ATG4A: variants seen among roughly 807,000 people sequenced by gnomAD.
The protein encoded by ATG4A is autophagy related 4A cysteine peptidase.
A neutral mutation model predicts 38.4 loss-of-function variants in ATG4A; 22 were observed. The observed-to-expected ratio is 0.57, with a 90% CI of 0.41 to 0.82. ATG4A has a LOEUF of 0.82. Ranked by LOEUF, ATG4A falls within the 40% of genes least tolerant of loss-of-function variation. The pLI, the probability that ATG4A is intolerant of heterozygous loss-of-function variation, is 0.00. For synonymous variants in ATG4A, 86 were observed against 100.7 expected (o/e 0.85, Z 0.88); for missense variants, 220 against 290.0 (o/e 0.76, Z 1.75).
chrX:108,092,606 T>C (rs2031666414), intron 1 of ATG4A, among the ~76,000 whole-genome samples: 1 of 112,717 alleles, frequency 8.9e-6, no homozygotes, highest in South Asian at 3.6e-4. Context: ...TTTTAGGCTT[T>C]GTAGGCCAAA....
chrX:108,121,984 T>C (rs1184237203), intron 1 of ATG4A, among the ~76,000 whole-genome samples: 1 of 112,188 alleles, frequency 8.9e-6, no homozygotes, highest in Non-Finnish European at 1.9e-5. Flanking sequence ...ACCAGCAGTG[T>C]CCTGGCATGC....
intron 9 of ATG4A, among the ~76,000 whole-genome samples, chrX:108,140,745 C>G (rs1308408458): frequency 1.0e-5 from 1 of 97,106 alleles, no homozygotes; most frequent in African/African-American, 3.8e-5. Flanking sequence ...ATATAAAATA[C>G]ATTGTATATA....
chrX:108,093,965 G>A (rs1285422614), intron 1 of ATG4A, among the ~76,000 whole-genome samples: 1 of 111,563 alleles, frequency 9.0e-6, no homozygotes, highest in East Asian at 2.8e-4. Context: ...TCTAGATCAA[G>A]TCCCTGAGAG....
chrX:108,103,131 CCAG>C (rs1489126585), intron 1 of ATG4A, among the ~76,000 whole-genome samples: 5 of 111,496 alleles, frequency 4.5e-5, no homozygotes, highest in African/African-American at 1.6e-4. Flanking sequence ...ATGATGGCTT[CCAG>C]CTCTATCCAT....
chrX:108,117,537 T>G (rs1270756418), intron 1 of ATG4A, among the ~76,000 whole-genome samples: 3 of 111,674 alleles, frequency 2.7e-5, no homozygotes, highest in Non-Finnish European at 5.6e-5. Flanking sequence ...GTGTTTTATT[T>G]TGACTGAAAA....
At position 108,091,796 on chromosome X, in the gene ATG4A, G is replaced by T. The variant is rs1369201893; in HGVS notation, c.-31G>T. ...ACCGTCCGTCCGTAGTCAAGTTGCC[G>T]GTGGAATTGGCCCAGGATGACAGCT... On this transcript the variant is annotated 5_prime_UTR_variant, in exon 1 of 13. Coordinates refer to ENST00000372232, the MANE Select transcript of ATG4A (RefSeq NM_052936.5). 8.3e-7 allele frequency: 1 copy of T among 1,210,956 alleles called. No homozygotes were observed.
chrX:108,099,702 A>AT (rs771033671), intron 1 of ATG4A, among the ~76,000 whole-genome samples: 1 of 111,742 alleles, frequency 8.9e-6, no homozygotes, highest in South Asian at 3.6e-4. Flanking sequence ...GTCAAGGTTA[A>AT]TTTTTTTGGA....
At chrX:108,114,249 T>C (rs2032445477) in intron 1 of ATG4A, among the ~76,000 whole-genome samples, 1 of 111,771 alleles carries the variant, frequency 8.9e-6, no homozygotes. Flanking sequence ...GTTTGGGGCA[T>C]ATTAACATTT....
intron 9 of ATG4A, among the ~76,000 whole-genome samples, chrX:108,149,703 C>A (rs921117561): frequency 1.1e-4 from 12 of 112,311 alleles, no homozygotes; most frequent in African/African-American, 3.2e-4. Flanking sequence ...TCCTCCCTTA[C>A]CAGAGGTGCT....
intron 1 of ATG4A, among the ~76,000 whole-genome samples, 198 bp downstream of exon 1, chrX:108,092,034 G>C: frequency 9.0e-6 from 1 of 111,143 alleles, no homozygotes; most frequent in Middle Eastern, 4.6e-3. Context: ...ACTACCTACT[G>C]AGCTCGAACC....
chrX:108,118,200 G>A (rs1473522935), intron 1 of ATG4A, among the ~76,000 whole-genome samples: 1 of 112,035 alleles, frequency 8.9e-6, no homozygotes, highest in African/African-American at 3.2e-5. Context: ...TTGTCAGTTT[G>A]TTTTATAGTG....
intron 9 of ATG4A, among the ~76,000 whole-genome samples, chrX:108,139,692 C>T (rs2033187947): frequency 8.9e-6 from 1 of 112,712 alleles, no homozygotes; most frequent in Admixed American, 9.4e-5. Flanking sequence ...AATAGATTTC[C>T]AGTTGCTCAT....
At chrX:108,135,947 C>A (rs1190842247) in intron 6 of ATG4A, among the ~76,000 whole-genome samples, 2 of 109,661 alleles carry the variant, frequency 1.8e-5, no homozygotes, top group Non-Finnish European at 3.8e-5. Flanking sequence ...CCACACCCAG[C>A]TAATTTTTGT....
chrX:108,126,144 T>C lies in ATG4A; in HGVS notation c.78T>C (p.Asp26=). 1 of 1,207,913 alleles carries C rather than the reference T, an allele frequency of 8.3e-7. No individual in the cohort carries two copies. Residue 26 remains aspartate (D), a synonymous_variant, in exon 2 of 13, where the codon GAT becomes GAC. Coordinates refer to ENST00000372232, the MANE Select transcript of ATG4A (RefSeq NM_052936.5). ...ACCTAGAAGAATATCCAGATACAGA[T>C]GAGCTGGTATGGATCTTAGGGAAGC... is the stretch of plus-strand genomic sequence containing the variant. ...TDYLEEYPDT[D]ELVWILGKQH...
chrX:108,127,099 G>A (rs1569306942), intron 2 of ATG4A: 2 of 139,307 alleles, frequency 1.4e-5, no homozygotes. Flanking sequence ...ACTCAGGTAA[G>A]TCACTGTCTC....
intron 1 of ATG4A, among the ~76,000 whole-genome samples, chrX:108,092,722 T>A (rs1283779548): frequency 1.8e-5 from 2 of 112,282 alleles, no homozygotes; most frequent in Non-Finnish European, 3.8e-5. Context: ...ATTGAGTACT[T>A]TTTTTGTAAT....
At chrX:108,137,762 A>C in intron 7 of ATG4A, 42 bp from the exon 8 acceptor site, 2 of 1,098,987 alleles carry the variant, frequency 1.8e-6, no homozygotes, top group Non-Finnish European at 2.4e-6. Flanking sequence ...TCTAGGGCTG[A>C]AGACTCCTTA....
chrX:108,151,879 TA>T (rs2033596679), intron 11 of ATG4A, 21 bp downstream of exon 11: 1 of 1,167,018 alleles, frequency 8.6e-7, no homozygotes, highest in Admixed American at 2.3e-5. Flanking sequence ...ATGTTTTTCT[TA>T]GTCTGAAAAA....
chrX:108,124,542 C>T (rs1022796537), intron 1 of ATG4A, among the ~76,000 whole-genome samples: 6 of 109,385 alleles, frequency 5.5e-5, no homozygotes, highest in Non-Finnish European at 9.5e-5. Context: ...ACCTCGGCCT[C>T]CTGGGTTCAA....
Sources: gnomAD v4.1 joint callset for allele counts (sites outside exome capture counted in the v4.1 genomes callset) on GRCh38, gnomAD v4.1.1 for gene constraint, MANE v1.5 for transcripts, NCBI Gene and HGNC (gene_info 2026-07-23, HGNC 2026-07-21) for gene names.